The following TSPAN6 variants were observed in gnomAD, a reference collection of about 807,000 sequenced individuals.
TSPAN6 encodes tetraspanin-6.
Under a neutral mutation model 18.0 loss-of-function variants are expected in TSPAN6, and 13 were observed. The observed-to-expected ratio is 0.72, with a 90% CI of 0.47 to 1.15. TSPAN6 has a LOEUF of 1.15. TSPAN6 is among the 50% of genes most tolerant of loss of function. The pLI, the probability that TSPAN6 is intolerant of heterozygous loss-of-function variation, is 0.00. For synonymous variants in TSPAN6, 82 were observed against 67.0 expected (o/e 1.22, Z -1.09); for missense variants, 186 against 183.9 (o/e 1.01, Z -0.07).
rs1249446839 is a variant in TSPAN6, at chrX:100,629,256, A to G, written c.*770T>C. ...AGAGGGAAAGTATGAACATCATAATAAATGCCTCAATTTGGAGGCAAAGAA... is the reference window on the plus strand; with the variant it reads ...AGAGGGAAAGTATGAACATCATAATGAATGCCTCAATTTGGAGGCAAAGAA... On this transcript the variant is annotated 3_prime_UTR_variant, in exon 8 of 8. Transcript: ENST00000373020. 8.9e-6 allele frequency: 1 copy of G among 111,995 alleles called. No individual in the cohort carries two copies. The highest frequency in any genetic ancestry group is 1.9e-5 in the Non-Finnish European group (1 of 53,209). The allele number at this position is 111,995 out of a possible 1,213,427, so 9.2% of individuals were successfully genotyped here. A position where few individuals can be genotyped will look rare whatever the true frequency, so the allele number is the denominator to read the frequency against.
At chrX:100,632,385 A>T in intron 6 of TSPAN6, 100 bp downstream of exon 6, 1 of 621,983 alleles carries the variant, frequency 1.6e-6, no homozygotes, top group Non-Finnish European at 2.6e-6. Flanking sequence ...CCAGCCTGGC[A>T]ACCGAGCAAG....
intron 1 of TSPAN6, chrX:100,636,134 G>C (rs1015646637): frequency 5.0e-5 from 39 of 782,957 alleles, no homozygotes; most frequent in Non-Finnish European, 5.8e-5. Flanking sequence ...CAAAGGACTG[G>C]TACACAAAAG....
At chrX:100,631,513 C>G (rs1381468374) in intron 6 of TSPAN6, among the ~76,000 whole-genome samples, 2 of 111,626 alleles carry the variant, frequency 1.8e-5, no homozygotes, top group East Asian at 5.6e-4. Context: ...TTCAGAGCCA[C>G]AAAACAAACT....
chrX:100,633,163 CAA>C (rs1008945280), intron 5 of TSPAN6, among the ~76,000 whole-genome samples: 4 of 110,768 alleles, frequency 3.6e-5, no homozygotes, highest in Admixed American at 1.9e-4. Flanking sequence ...CTAAAAAATA[CAA>C]AAAATTAGCC....
chrX:100,636,851 T>A, upstream of TSPAN6: 1 of 513,194 alleles, frequency 1.9e-6, no homozygotes, highest in Non-Finnish European at 2.8e-6. Context: ...GGGTAAAGTA[T>A]GGGAGGCTGT....
intron 4 of TSPAN6, 100 bp from the exon 5 acceptor site, chrX:100,633,639 C>G: frequency 1.1e-6 from 1 of 871,457 alleles, no homozygotes; most frequent in East Asian, 3.3e-5. Context: ...AAAACATTTA[C>G]TAATCTCAAT....
chrX:100,634,127 T>C, intron 3 of TSPAN6, 98 bp from the exon 4 acceptor site: 2 of 523,387 alleles, frequency 3.8e-6, no homozygotes, highest in Non-Finnish European at 6.5e-6. Flanking sequence ...GTCATATCTT[T>C]GACAGCAGCA....
intron 6 of TSPAN6, 26 bp downstream of exon 6, chrX:100,632,459 T>C: frequency 8.9e-7 from 1 of 1,128,330 alleles, no homozygotes; most frequent in Non-Finnish European, 1.2e-6. Context: ...GGATGAAATA[T>C]TTCCTAAGTA....
chrX:100,636,170 G>A, intron 1 of TSPAN6: 3 of 791,677 alleles, frequency 3.8e-6, no homozygotes, highest in Non-Finnish European at 4.5e-6. Flanking sequence ...ACTGGCGGGA[G>A]TGGAGGCATA....
At chrX:100,635,469 G>C (rs1250404118) in intron 2 of TSPAN6, 89 bp downstream of exon 2, 1 of 879,921 alleles carries the variant, frequency 1.1e-6, no homozygotes, top group Non-Finnish European at 1.6e-6. Flanking sequence ...AAATTGTAAA[G>C]GGCCATGGCC....
chrX:100,632,903 G>A (rs765969384), intron 5 of TSPAN6, among the ~76,000 whole-genome samples: 18 of 106,462 alleles, frequency 1.7e-4, no homozygotes, highest in Non-Finnish European at 2.9e-4. Flanking sequence ...TTCAGACTGG[G>A]TGACAGAGAG....
At position 100,635,163 on chromosome X, in the gene TSPAN6, C is replaced by T; in HGVS notation, c.351+15G>A. The T allele has an allele frequency of 4.3e-6, 5 of 1,168,988 alleles. No individual in the cohort carries two copies. Among genetic ancestry groups the T allele is most frequent in the African/African-American group, 1.8e-5 (1 of 56,322 alleles). On this transcript the variant is annotated intron_variant, in intron 3 of 7. Transcript: ENST00000373020. ...GATAAATGTAACATGCTAAGCTTCC[C>T]TAATTCAGGCTTACCTCATGTCTGA...
chrX:100,635,096 C>T, intron 3 of TSPAN6, 82 bp downstream of exon 3: 1 of 759,289 alleles, frequency 1.3e-6, no homozygotes, highest in South Asian at 2.7e-5. Flanking sequence ...ATACAGAGGT[C>T]TGACTCTTCT....
rs775377165 is a variant in TSPAN6 at position 100,630,851 on chromosome X, G to A, written c.685C>T (p.Leu229Phe). Residue 229 changes from leucine (L) to phenylalanine (F), a missense_variant, in exon 7 of 8, where the codon CTC becomes TTC. Transcript: ENST00000373020. The stretch of plus-strand genomic sequence containing the variant: ...ATGGCACGAGAGAGGCAGTAGGCGA[G>A]AAAGATTCCAATCAGCTAGAAATAA... ...VACFQLIGIF[L>F]AYCLSRAITN... The A allele has an allele frequency of 1.4e-5, 17 of 1,204,670 alleles. No homozygotes were observed. In the South Asian group the frequency reaches 1.9e-4, roughly 14 times the overall value.
In TSPAN6 at chrX:100,633,673, A is replaced by T. The variant is rs2083075428; in HGVS notation, c.451-134T>A. 4.0e-5 allele frequency: 28 copies of T among 702,887 alleles called. 1 individual carries two copies. In the South Asian group the frequency reaches 8.3e-4, roughly 21 times the overall value. The allele number at this position is 702,887 out of a possible 1,213,427, so 57.9% of individuals were successfully genotyped here. ...ATGATCTCTCTCCTCAATTGATTCA[A>T]GAGATGAGCACTGGGTCCCTGATTA... On this transcript the variant is annotated intron_variant, in intron 4 of 7. Coordinates refer to ENST00000373020, the MANE Select transcript of TSPAN6 (RefSeq NM_003270.4).
At chrX:100,635,869 G>A in intron 1 of TSPAN6, 123 bp from the exon 2 acceptor site, 1 of 535,103 alleles carries the variant, frequency 1.9e-6, no homozygotes, top group Non-Finnish European at 2.7e-6. Context: ...CAGACAAGGG[G>A]GAAGAGTAGA....
Position 100,628,622 on chromosome X carries a change from C to T in TSPAN6, c.*1404G>A, listed in dbSNP as rs1422538235. 1 of 112,117 alleles carries T rather than the reference C, an allele frequency of 8.9e-6. No homozygotes were observed. Among genetic ancestry groups the T allele is most frequent in the East Asian group, 2.8e-4 (1 of 3,597 alleles). The allele number at this position is 112,117 out of a possible 1,213,427, so 9.2% of individuals were successfully genotyped here. ...CCTGAAGATACAGGTTACATCCCTCCCTGTACAACTTTTTAATGCAAACTA... is the reference window on the plus strand; with the variant it reads ...CCTGAAGATACAGGTTACATCCCTCTCTGTACAACTTTTTAATGCAAACTA... On this transcript the variant is annotated 3_prime_UTR_variant, in exon 8 of 8. Coordinates refer to ENST00000373020, the MANE Select transcript of TSPAN6 (RefSeq NM_003270.4).
intron 6 of TSPAN6, among the ~76,000 whole-genome samples, chrX:100,631,882 T>A (rs192789944): frequency 5.3e-4 from 59 of 111,661 alleles, no homozygotes; most frequent in East Asian, 1.7e-3. Flanking sequence ...TTCTTTTTTT[T>A]AATTATACTT....
chrX:100,631,027 T>C (rs763137457), intron 6 of TSPAN6, among the ~76,000 whole-genome samples, 161 bp from the exon 7 acceptor site: 1 of 112,209 alleles, frequency 8.9e-6, no homozygotes, highest in Non-Finnish European at 1.9e-5. Context: ...ATTCAAAGAA[T>C]CTAAGTGAAG....
Sources: gnomAD v4.1 joint callset for allele counts (sites outside exome capture counted in the v4.1 genomes callset) on GRCh38, gnomAD v4.1.1 for gene constraint, MANE v1.5 for transcripts, NCBI Gene and HGNC (gene_info 2026-07-23, HGNC 2026-07-21) for gene names.